Variants in FAM184B observed in about 807,000 individuals in gnomAD.
The protein encoded by FAM184B is family with sequence similarity 184 member B.
A neutral mutation model predicts 135.9 loss-of-function variants in FAM184B; 111 were observed. The ratio of observed to expected loss-of-function variants is 0.82; its 90% CI spans 0.70 to 0.96. The LOEUF is 0.96. Among genes scored for constraint, FAM184B ranks in the 40% least tolerant of loss-of-function variants. The pLI, the probability that FAM184B is intolerant of heterozygous loss-of-function variation, is 0.00. For synonymous variants in FAM184B, 552 were observed against 524.8 expected (o/e 1.05, Z -0.71); for missense variants, 1,375 against 1,323.9 (o/e 1.04, Z -0.60).
chr4:17,759,378 G>A (rs1258914497), intron 1 of FAM184B, among the ~76,000 whole-genome samples: 2 of 152,146 alleles, frequency 1.3e-5, no homozygotes, highest in Admixed American at 6.5e-5. Context: ...CTTCTGCCAC[G>A]ATTGAAAGTT....
In FAM184B at chr4:17,633,580, T is replaced by TG. The variant is rs1210562691; in HGVS notation, c.3089+108dup. On this transcript the variant is annotated intron_variant, in intron 17 of 17. Transcript: ENST00000265018. The stretch of plus-strand genomic sequence containing the variant: ...TCAGTGTCCCTTGTCTAATCATCCA[T>TG]GAAAAAAGGCCTTCTGGAATTTGGT... 8 of 1,052,016 alleles carry TG rather than the reference T, an allele frequency of 7.6e-6. No homozygotes were observed. In the East Asian group the frequency reaches 2.3e-4, roughly 30 times the overall value. The allele number at this position is 1,052,016 out of a possible 1,614,324, so 65.2% of individuals were successfully genotyped here. A position where few individuals can be genotyped will look rare whatever the true frequency, so the allele number is the denominator to read the frequency against.
rs78278434 is a variant in FAM184B at position 17,664,481 on chromosome 4, A to C, written c.1694+81T>G. Reference sequence around the variant, plus strand: ...GGAGCAGTGATAAATACTTGAGGATAGAATGAATGAATGGATGAATCCTTC... The same window carrying C: ...GGAGCAGTGATAAATACTTGAGGATCGAATGAATGAATGGATGAATCCTTC... On this transcript the variant is annotated intron_variant, in intron 8 of 17. Coordinates refer to ENST00000265018, the MANE Select transcript of FAM184B (RefSeq NM_015688.2). 2,899 of 1,113,790 alleles carry C rather than the reference A, an allele frequency of 2.6e-3. 43 individuals are homozygous for C. The African/African-American group carries it at 0.039, about 15-fold the overall frequency. 69.0% of individuals were successfully genotyped at this position (1,113,790 alleles called of 1,614,324 possible).
intron 1 of FAM184B, among the ~76,000 whole-genome samples, chr4:17,717,643 G>A (rs369753457): frequency 2.0e-5 from 3 of 152,226 alleles, no homozygotes; most frequent in Middle Eastern, 3.4e-3. Flanking sequence ...ATGGGTTGAC[G>A]TCAGAGGAGA....
At chr4:17,646,489 C>G (rs1715470510) in intron 12 of FAM184B, among the ~76,000 whole-genome samples, 1 of 151,930 alleles carries the variant, frequency 6.6e-6, no homozygotes, top group Admixed American at 6.6e-5. Context: ...GACAAAAAAC[C>G]AAACACCACA....
chr4:17,761,578 G>C (rs1718547159), intron 1 of FAM184B, among the ~76,000 whole-genome samples: 1 of 152,230 alleles, frequency 6.6e-6, no homozygotes. Context: ...CCAGCCTAGA[G>C]TGCAGTGGCA....
chr4:17,721,423 G>T (rs140258309), intron 1 of FAM184B, among the ~76,000 whole-genome samples: 1 of 113,872 alleles, frequency 8.8e-6, no homozygotes, highest in South Asian at 3.0e-4. Context: ...TGCCCTAGCA[G>T]AAAGGGCATC....
At chr4:17,714,755 G>C (rs777524904) in intron 1 of FAM184B, among the ~76,000 whole-genome samples, 22 of 152,050 alleles carry the variant, frequency 1.4e-4, no homozygotes, top group Non-Finnish European at 2.6e-4. Context: ...CTTCCAAGGT[G>C]CCCACCCAAA....
chr4:17,636,329 C>T (rs1331807218), intron 15 of FAM184B, among the ~76,000 whole-genome samples, 199 bp downstream of exon 15: 1 of 152,220 alleles, frequency 6.6e-6, no homozygotes, highest in Non-Finnish European at 1.5e-5. Flanking sequence ...TCCCGAACTC[C>T]TGACCTCAAG....
chr4:17,632,667 A>C, intron 17 of FAM184B, 42 bp from the exon 18 acceptor site: 3 of 1,364,062 alleles, frequency 2.2e-6, no homozygotes, highest in East Asian at 5.1e-5. Context: ...TTTGAAAACT[A>C]TGCAAGAAGC....
intron 1 of FAM184B, among the ~76,000 whole-genome samples, chr4:17,761,599 T>A (rs1718547659): frequency 2.6e-5 from 4 of 152,238 alleles, no homozygotes; most frequent in Admixed American, 2.6e-4. Flanking sequence ...CGATCTTGGC[T>A]TACTGCAACC....
At chr4:17,694,522 C>CA (rs5856442) in intron 5 of FAM184B, among the ~76,000 whole-genome samples, 86,082 of 141,420 alleles carry the variant, frequency 0.61, 25,767 homozygotes, top group East Asian at 0.87. Context: ...GACTCCATCT[C>CA]AAAAAAAAAA....
intron 8 of FAM184B, among the ~76,000 whole-genome samples, chr4:17,661,450 G>T (rs972845505): frequency 1.3e-5 from 2 of 152,134 alleles, no homozygotes; most frequent in East Asian, 1.9e-4. Flanking sequence ...TACTCTGGAG[G>T]CTGAGGCAGG....
chr4:17,660,970 G>A (rs1715905024), intron 8 of FAM184B, among the ~76,000 whole-genome samples: 1 of 152,032 alleles, frequency 6.6e-6, no homozygotes, highest in African/African-American at 2.4e-5. Context: ...CAGGCTGGGG[G>A]GTTAAGGAAG....
chr4:17,689,459 G>C (rs989775846), intron 6 of FAM184B, among the ~76,000 whole-genome samples: 6 of 152,068 alleles, frequency 3.9e-5, no homozygotes, highest in African/African-American at 1.4e-4. Context: ...GACAGAGTGA[G>C]AGCAAGATAG....
At chr4:17,750,209 C>T (rs1236561184) in intron 1 of FAM184B, among the ~76,000 whole-genome samples, 2 of 152,160 alleles carry the variant, frequency 1.3e-5, no homozygotes, top group Non-Finnish European at 2.9e-5. Flanking sequence ...TTCCTATCAC[C>T]ACCAGCTTAA....
chr4:17,649,062 A>G (rs1715539257), intron 11 of FAM184B, among the ~76,000 whole-genome samples: 1 of 152,214 alleles, frequency 6.6e-6, no homozygotes, highest in Admixed American at 6.5e-5. Context: ...ATTGAAAATA[A>G]CCTTTGAAAC....
intron 1 of FAM184B, among the ~76,000 whole-genome samples, chr4:17,711,212 T>C (rs1198957773): frequency 6.7e-6 from 1 of 149,306 alleles, no homozygotes; most frequent in Non-Finnish European, 1.5e-5. Flanking sequence ...CCAGATGTGG[T>C]GGCTCACACC....
chr4:17,741,172 G>A (rs1560190411), intron 1 of FAM184B, among the ~76,000 whole-genome samples: 1 of 152,160 alleles, frequency 6.6e-6, no homozygotes, highest in Non-Finnish European at 1.5e-5. Flanking sequence ...ATTCTAGTGG[G>A]AGGATCTGAC....
At chr4:17,716,275 C>A (rs1231683682) in intron 1 of FAM184B, among the ~76,000 whole-genome samples, 1 of 152,068 alleles carries the variant, frequency 6.6e-6, no homozygotes, top group Non-Finnish European at 1.5e-5. Flanking sequence ...TTTTCTCCAC[C>A]CTCTCCACTC....
Sources: allele counts gnomAD v4.1 joint callset (sites outside exome capture counted in the v4.1 genomes callset), GRCh38; gene constraint gnomAD v4.1.1; transcripts MANE v1.5; gene names NCBI Gene and HGNC (gene_info 2026-07-23, HGNC 2026-07-21).